DMD: variants seen among roughly 807,000 people sequenced by gnomAD.
The protein encoded by DMD is mutant dystrophin.
In DMD, 63 loss-of-function variants were observed where a neutral mutation model predicts 330.1. The ratio of observed to expected loss-of-function variants is 0.19; its 90% confidence interval spans 0.16 to 0.24. The LOEUF is 0.24. Ranked by LOEUF, DMD falls within the 10% of genes least tolerant of loss-of-function variation. The pLI is 1.00. For missense variants in DMD, 3,344 were observed against 2,684.1 expected (o/e 1.25, Z -5.43); for synonymous variants, 1,223 against 959.8 (o/e 1.27, Z -5.07).
intron 67 of DMD, among the ~76,000 whole-genome samples, chrX:31,188,827 A>G (rs1391159303): frequency 8.9e-6 from 1 of 112,200 alleles, no homozygotes; most frequent in Non-Finnish European, 1.9e-5. Flanking sequence ...TTGCTCTGTT[A>G]CAGCACACTG....
chrX:33,091,939 T>G (rs1450252351), intron 1 of DMD, among the ~76,000 whole-genome samples: 4 of 112,122 alleles, frequency 3.6e-5, no homozygotes, highest in African/African-American at 1.3e-4. Flanking sequence ...ATAAATACTC[T>G]TACGCTCTCT....
At chrX:32,777,126 AT>A (rs1180487990) in intron 7 of DMD, among the ~76,000 whole-genome samples, 1 of 107,053 alleles carries the variant, frequency 9.3e-6, no homozygotes, top group Non-Finnish European at 1.9e-5. Context: ...GAGTAATTAG[AT>A]TTTCTCAATT....
chrX:32,362,455 T>A (rs985522111), intron 37 of DMD, among the ~76,000 whole-genome samples: 1 of 111,785 alleles, frequency 8.9e-6, no homozygotes, highest in Admixed American at 9.6e-5. Context: ...TTTATTTTTT[T>A]GGCCTTCAGC....
chrX:32,457,538 G>A (rs1490831445), intron 25 of DMD, among the ~76,000 whole-genome samples: 1 of 111,053 alleles, frequency 9.0e-6, no homozygotes, highest in African/African-American at 3.3e-5. Flanking sequence ...AGAGACAAGG[G>A]AAAGGGATCC....
rs1176247064 is a variant in DMD at position 31,332,395 on chromosome X, G to A, written c.9164-8737C>T. ...ATTCTTGTATAGTAGTTATATTGTG[G>A]CATTATTGTGGATACAGCTGACAGA... On this transcript the variant is annotated intron_variant, in intron 61 of 78. Transcript: ENST00000357033. Among the ~76,000 whole-genome samples, 3 of 111,925 alleles carry A rather than the reference G, an allele frequency of 2.7e-5. No homozygotes were observed. The East Asian group carries it at 8.4e-4, about 31-fold the overall frequency.
At chrX:32,536,279 A>C (rs1346161340) in intron 17 of DMD, among the ~76,000 whole-genome samples, 71 of 108,034 alleles carry the variant, frequency 6.6e-4, no homozygotes, top group African/African-American at 2.3e-3. Context: ...AAAAAAAAAA[A>C]AAAAAAAAAC....
intron 49 of DMD, among the ~76,000 whole-genome samples, chrX:31,832,203 T>C (rs1311874051): frequency 8.9e-6 from 1 of 112,487 alleles, no homozygotes; most frequent in East Asian, 2.8e-4. Context: ...AGTGTAATTA[T>C]ATTTATTTCG....
intron 47 of DMD, among the ~76,000 whole-genome samples, chrX:31,910,516 C>T (rs778399405): frequency 2.7e-5 from 3 of 112,025 alleles, no homozygotes; most frequent in Admixed American, 9.5e-5. Flanking sequence ...CTCCTTGGAC[C>T]GTCTAGTGCA....
chrX:33,327,984 C>G (rs979730848), intron 1 of DMD, among the ~76,000 whole-genome samples: 9 of 111,617 alleles, frequency 8.1e-5, no homozygotes, highest in African/African-American at 2.9e-4. Context: ...GTTTTGTAAA[C>G]TAAATTTTAT....
chrX:32,935,140 C>G (rs962413358), intron 2 of DMD, among the ~76,000 whole-genome samples: 29 of 112,344 alleles, frequency 2.6e-4, no homozygotes, highest in African/African-American at 5.5e-4. Flanking sequence ...CACCACGCCC[C>G]GCTAATTTCT....
chrX:31,885,792 T>G (rs2094146942), intron 47 of DMD, among the ~76,000 whole-genome samples: 1 of 110,418 alleles, frequency 9.1e-6, no homozygotes, highest in African/African-American at 3.3e-5. Context: ...ATAAATGAAA[T>G]GCATGCAAGT....
intron 19 of DMD, among the ~76,000 whole-genome samples, chrX:32,492,223 A>T (rs2043072771): frequency 9.0e-6 from 1 of 111,450 alleles, no homozygotes; most frequent in African/African-American, 3.3e-5. Flanking sequence ...CTGGGGTTCC[A>T]GCTACTCGGG....
At chrX:31,867,177 G>A (rs1007105263) in intron 48 of DMD, among the ~76,000 whole-genome samples, 1 of 103,636 alleles carries the variant, frequency 9.6e-6, no homozygotes, top group African/African-American at 3.5e-5. Context: ...TTTTCTATTG[G>A]TCTTCTCTTA....
At chrX:33,261,627 AACACAC>A (rs56984530) in intron 1 of DMD, among the ~76,000 whole-genome samples, 7 of 89,111 alleles carry the variant, frequency 7.9e-5, no homozygotes, top group African/African-American at 1.2e-4. Context: ...ATACGGGAAG[AACACAC>A]ACACACACAC....
At chrX:32,978,746 G>A (rs2092623025) in intron 2 of DMD, among the ~76,000 whole-genome samples, 1 of 112,578 alleles carries the variant, frequency 8.9e-6, no homozygotes, top group African/African-American at 3.2e-5. Context: ...TGGGATTACA[G>A]GCATGAGACA....
intron 9 of DMD, among the ~76,000 whole-genome samples, chrX:32,671,758 C>T (rs373185655): frequency 1.6e-3 from 177 of 111,737 alleles, no homozygotes; most frequent in South Asian, 0.015. Flanking sequence ...TCTGTAAATT[C>T]TATAGTACAC....
Position 32,012,029 on chromosome X carries a change from C to G in DMD, c.6439-43515G>C, listed in dbSNP as rs141494974. Among the ~76,000 whole-genome samples the G allele has an allele frequency of 4.9e-3, 549 of 112,197 alleles. 4 individuals carry two copies. Among genetic ancestry groups the G allele is most frequent in the African/African-American group, 0.017 (517 of 30,900 alleles). On this transcript the variant is annotated intron_variant, in intron 44 of 78. Coordinates refer to ENST00000357033, the MANE Select transcript of DMD (RefSeq NM_004006.3). ...AGTCTAAACAGTTGTCAAGCCCCCCCAGTCCTTTCAACTTTCATTATCTTC... is the reference window on the plus strand; with the variant it reads ...AGTCTAAACAGTTGTCAAGCCCCCCGAGTCCTTTCAACTTTCATTATCTTC...
intron 7 of DMD, among the ~76,000 whole-genome samples, chrX:32,710,252 T>TG (rs201096112): frequency 9.1e-6 from 1 of 109,615 alleles, no homozygotes; most frequent in Non-Finnish European, 1.9e-5. Context: ...CTGATTAAAG[T>TG]GGAAAAAAAA....
At chrX:32,521,223 G>C (rs2046389328) in intron 17 of DMD, among the ~76,000 whole-genome samples, 1 of 111,981 alleles carries the variant, frequency 8.9e-6, no homozygotes, top group Admixed American at 9.4e-5. Flanking sequence ...AGGCTGGAGT[G>C]CAGTGGTGCA....
Sources: allele counts gnomAD v4.1 joint callset (sites outside exome capture counted in the v4.1 genomes callset), GRCh38; gene constraint gnomAD v4.1.1; transcripts MANE v1.5; gene names NCBI Gene and HGNC (gene_info 2026-07-23, HGNC 2026-07-21).